Variants in BCKDHB observed in about 807,000 individuals in gnomAD.
BCKDHB encodes the protein 2-oxoisovalerate dehydrogenase subunit beta, mitochondrial.
BCKDHB carries 41 observed loss-of-function variants against 48.5 expected under a neutral mutation model. That is an observed-to-expected ratio of 0.85 (90% confidence interval 0.66 to 1.10). The LOEUF is 1.10. Ranked by LOEUF, BCKDHB falls within the 50% of genes least tolerant of loss-of-function variation. BCKDHB has a pLI of 0.00. For missense variants in BCKDHB, 496 were observed against 494.2 expected, an observed-to-expected ratio of 1.00 and a Z score of -0.03; for synonymous variants, 201 against 174.8, an observed-to-expected ratio of 1.15 and a Z score of -1.18.
At chr6:80,432,345 A>G in the BCKDHB span, among the ~76,000 whole-genome samples, 48 of 152,162 alleles carry the variant, frequency 3.2e-4, no homozygotes, top group African/African-American at 1.1e-3. Flanking sequence ...GTCTTTTCAC[A>G]TAGTCCCATA....
At chr6:80,167,648 C>T in intron 3 of BCKDHB, 30 bp from the exon 4 acceptor site, 1 of 1,576,418 alleles carries the variant, frequency 6.3e-7, no homozygotes, top group Non-Finnish European at 8.7e-7. Context: ...TCATTTGCCA[C>T]ATTAACCTTT....
chr6:80,145,732 A>G (rs965188557), intron 3 of BCKDHB, among the ~76,000 whole-genome samples: 1 of 152,184 alleles, frequency 6.6e-6, no homozygotes, highest in Non-Finnish European at 1.5e-5. Context: ...GGGCTGAAAT[A>G]TGCTCAGTAG....
In BCKDHB at chr6:80,160,273, C is replaced by G. The variant is rs555824681; in HGVS notation, c.344-7405C>G. ...CTGGGTTCAAGCGATTCTCCTGCCTCAGCCTCCCAAGTAGCTGGGTTTACA... is the reference window on the plus strand; with the variant it reads ...CTGGGTTCAAGCGATTCTCCTGCCTGAGCCTCCCAAGTAGCTGGGTTTACA... On this transcript the variant is annotated intron_variant, in intron 3 of 9. Transcript: ENST00000320393. Among the ~76,000 whole-genome samples the G allele has an allele frequency of 2.3e-4, 35 of 152,242 alleles. No individual in the cohort carries two copies. The South Asian group carries it at 7.3e-3, about 32-fold the overall frequency.
intron 8 of BCKDHB, among the ~76,000 whole-genome samples, chr6:80,234,886 T>C (rs1776084922): frequency 6.6e-6 from 1 of 152,092 alleles, no homozygotes; most frequent in African/African-American, 2.4e-5. Flanking sequence ...AATCCTGTCA[T>C]TTGCAGTAAC....
intron 8 of BCKDHB, among the ~76,000 whole-genome samples, chr6:80,236,308 A>G (rs1406926581): frequency 1.3e-5 from 2 of 152,214 alleles, no homozygotes; most frequent in African/African-American, 4.8e-5. Flanking sequence ...GCTGTTTTAT[A>G]CAATTTTGTA....
chr6:80,280,588 A>G (rs1434117394), intron 9 of BCKDHB, among the ~76,000 whole-genome samples: 2 of 152,222 alleles, frequency 1.3e-5, no homozygotes, highest in East Asian at 3.9e-4. Flanking sequence ...GAAATGATTG[A>G]TATTTAATGC....
At chr6:80,192,209 C>A (rs981554145) in intron 6 of BCKDHB, among the ~76,000 whole-genome samples, 1 of 151,968 alleles carries the variant, frequency 6.6e-6, no homozygotes, top group African/African-American at 2.4e-5. Flanking sequence ...TCTAATGGTT[C>A]ATACAATAAT....
chr6:80,344,073 T>C lies in BCKDHB; in HGVS notation c.*269T>C. 2.2e-6 allele frequency: 1 copy of C among 447,022 alleles called. No homozygotes were observed. Among genetic ancestry groups the C allele is most frequent in the East Asian group, 4.8e-5 (1 of 20,794 alleles). 27.7% of individuals were successfully genotyped at this position (447,022 alleles called of 1,614,324 possible). On this transcript the variant is annotated 3_prime_UTR_variant, in exon 10 of 10. Coordinates refer to ENST00000320393, the MANE Select transcript of BCKDHB (RefSeq NM_183050.4). The stretch of plus-strand genomic sequence containing the variant: ...TAGACTGCAGTGGTGCAATCTCAGC[T>C]CACTGCAACCTCCCCCCTACCCCTG...
chr6:80,115,295 G>C (rs12529191), intron 1 of BCKDHB, among the ~76,000 whole-genome samples: 2 of 151,946 alleles, frequency 1.3e-5, no homozygotes, highest in African/African-American at 4.8e-5. Flanking sequence ...CTATCGTCAC[G>C]TACTACTGTG....
intron 8 of BCKDHB, among the ~76,000 whole-genome samples, chr6:80,250,715 T>A (rs1776803748): frequency 6.6e-6 from 1 of 152,090 alleles, no homozygotes; most frequent in South Asian, 2.1e-4. Flanking sequence ...GAAGATGGAG[T>A]GACTATCCTG....
intron 9 of BCKDHB, among the ~76,000 whole-genome samples, chr6:80,318,670 G>A (rs1176724253): frequency 6.9e-6 from 1 of 144,338 alleles, no homozygotes; most frequent in Non-Finnish European, 1.5e-5. Flanking sequence ...GGGTGACAGA[G>A]TGAGACTCTC....
the BCKDHB span, among the ~76,000 whole-genome samples, chr6:80,371,895 A>T: frequency 6.6e-6 from 1 of 152,136 alleles, no homozygotes; most frequent in Non-Finnish European, 1.5e-5. Flanking sequence ...CTTATAGTAT[A>T]GTTTGAAGTC....
chr6:80,447,957 A>G, the BCKDHB span, among the ~76,000 whole-genome samples: 2 of 152,196 alleles, frequency 1.3e-5, no homozygotes, highest in African/African-American at 2.4e-5. Flanking sequence ...TGTGCCAAAC[A>G]TGGTAATAGA....
At chr6:80,206,565 G>A (rs1263207974) in intron 8 of BCKDHB, among the ~76,000 whole-genome samples, 4 of 151,864 alleles carry the variant, frequency 2.6e-5, no homozygotes, top group Non-Finnish European at 5.9e-5. Flanking sequence ...GTGTGTGTGT[G>A]TGTACATGTA....
intron 8 of BCKDHB, among the ~76,000 whole-genome samples, chr6:80,259,927 C>T (rs1275113910): frequency 6.6e-6 from 1 of 152,206 alleles, no homozygotes; most frequent in Non-Finnish European, 1.5e-5. Context: ...TCCAACCCCA[C>T]ACCATGACTC....
At chr6:80,419,520 G>A in the BCKDHB span, among the ~76,000 whole-genome samples, 3 of 152,172 alleles carry the variant, frequency 2.0e-5, no homozygotes, top group Non-Finnish European at 4.4e-5. Context: ...GGAGCAAGTT[G>A]AGCTTAGGGG....
At chr6:80,342,958 A>T (rs1395706864) in intron 9 of BCKDHB, among the ~76,000 whole-genome samples, 3 of 152,102 alleles carry the variant, frequency 2.0e-5, no homozygotes, top group African/African-American at 7.2e-5. Flanking sequence ...ACTACAATGG[A>T]TTATGCCGAG....
chr6:80,124,398 G>A (rs569650725), intron 1 of BCKDHB, among the ~76,000 whole-genome samples: 3 of 152,336 alleles, frequency 2.0e-5, no homozygotes, highest in African/African-American at 7.2e-5. Context: ...TTCTGTAGAT[G>A]TCTATTAGGT....
intron 1 of BCKDHB, among the ~76,000 whole-genome samples, chr6:80,125,950 T>C (rs1470429565): frequency 6.6e-6 from 1 of 152,156 alleles, no homozygotes; most frequent in African/African-American, 2.4e-5. Flanking sequence ...TTTGTAAAAA[T>C]TGCAATATCT....
Sources: gnomAD v4.1 joint callset for allele counts (sites outside exome capture counted in the v4.1 genomes callset) on GRCh38, gnomAD v4.1.1 for gene constraint, MANE v1.5 for transcripts, NCBI Gene and HGNC (gene_info 2026-07-23, HGNC 2026-07-21) for gene names.